OR56A3: variants seen among roughly 807,000 people sequenced by gnomAD.
OR56A3 encodes the protein olfactory receptor family 56 subfamily A member 3.
OR56A3 carries 23 observed loss-of-function variants against 17.5 expected under a neutral mutation model. That is an observed-to-expected ratio of 1.32 (90% CI 0.95 to 1.87). The LOEUF is 1.87. Among genes scored for constraint, OR56A3 ranks in the 40% most tolerant of loss-of-function variants. OR56A3 has a pLI of 0.00. For synonymous variants in OR56A3, 175 were observed against 150.6 expected (o/e 1.16, Z -1.19); for missense variants, 366 against 380.1 (o/e 0.96, Z 0.31).
At chr11:5,954,490 G>C (rs759157775), downstream of OR56A3, among the ~76,000 whole-genome samples, 23 of 152,118 alleles carry the variant, frequency 1.5e-4, no homozygotes, top group Middle Eastern at 3.2e-3. Context: ...TTCAAAGTCT[G>C]CAAGTTTGAA....
Position 5,947,384 on chromosome 11 carries a change from C to T in OR56A3, c.38C>T (p.Ala13Val). 2 of 1,612,802 alleles carry T rather than the reference C, an allele frequency of 1.2e-6. No individual in the cohort carries two copies. The highest frequency in any genetic ancestry group is 1.7e-6 in the Non-Finnish European group (2 of 1,179,096). ...THRNDTLSTEASDFLLNCFVR... is the reference protein window; with the variant it reads ...THRNDTLSTEVSDFLLNCFVR... The stretch of plus-strand genomic sequence containing the variant: ...CGAAATGACACCCTCTCCACTGAAG[C>T]TTCAGACTTCCTCTTGAATTGTTTT... The change falls in exon 3 of 3, where the codon GCT becomes GTT. Residue 13 changes from alanine (A) to valine (V), a missense_variant. Ala to Val is a moderately conservative substitution (Grantham distance 64, BLOSUM62 0). Transcript: ENST00000641160.
the OR56A3 span, among the ~76,000 whole-genome samples, chr11:5,972,801 G>A: frequency 1.3e-5 from 2 of 152,142 alleles, no homozygotes; most frequent in African/African-American, 4.8e-5. Context: ...GCTAATTTTT[G>A]TATTTTTAGT....
the OR56A3 span, chr11:5,986,347 G>A: frequency 1.6e-5 from 26 of 1,613,844 alleles, no homozygotes; most frequent in Non-Finnish European, 2.2e-5. Flanking sequence ...TTCACAATAG[G>A]CATGGCCTAT....
At chr11:5,968,435 G>A in the OR56A3 span, 3 of 1,592,804 alleles carry the variant, frequency 1.9e-6, no homozygotes, top group South Asian at 3.4e-5. Context: ...GGAAACTGGG[G>A]AAACAAATGA....
At chr11:5,975,255 G>A in the OR56A3 span, among the ~76,000 whole-genome samples, 8 of 152,276 alleles carry the variant, frequency 5.3e-5, no homozygotes, top group East Asian at 1.9e-4. Flanking sequence ...TGTGCACAAC[G>A]TGCAGGTTTG....
chr11:5,991,911 T>C, the OR56A3 span, among the ~76,000 whole-genome samples: 2 of 152,148 alleles, frequency 1.3e-5, no homozygotes, highest in African/African-American at 4.8e-5. Flanking sequence ...AGCCCCCAGA[T>C]TGGCTGGAAA....
chr11:5,975,440 G>C, the OR56A3 span, among the ~76,000 whole-genome samples: 2 of 142,822 alleles, frequency 1.4e-5, no homozygotes, highest in African/African-American at 5.3e-5. Flanking sequence ...TCCCACCTAT[G>C]AGTGAGAACA....
At chr11:6,021,875 C>T in the OR56A3 span, 5 of 152,132 alleles carry the variant, frequency 3.3e-5, no homozygotes, top group African/African-American at 1.2e-4. Context: ...AAAGCATTCT[C>T]GCATTACTAT....
chr11:5,996,580 G>A, the OR56A3 span, among the ~76,000 whole-genome samples: 1 of 151,666 alleles, frequency 6.6e-6, no homozygotes, highest in Non-Finnish European at 1.5e-5. Flanking sequence ...TCCAAATGTG[G>A]TAATAAGAGC....
Position 5,948,116 on chromosome 11 carries a change from C to A in OR56A3, c.770C>A (p.Thr257Asn), listed in dbSNP as rs1283945841. 1 of 1,614,240 alleles carries A rather than the reference C, an allele frequency of 6.2e-7. No homozygotes were observed. Among genetic ancestry groups the A allele is most frequent in the Non-Finnish European group, 8.5e-7 (1 of 1,180,048 alleles). Reference protein sequence around the residue: ...SHFMLILFFSTILLVFVLTHV... With the variant: ...SHFMLILFFSNILLVFVLTHV... ...TTCATGCTCATCCTCTTCTTCAGCACCATCCTTCTGGTTTTTGTCCTCACA... is the reference window on the plus strand; with the variant it reads ...TTCATGCTCATCCTCTTCTTCAGCAACATCCTTCTGGTTTTTGTCCTCACA... Residue 257 changes from threonine to asparagine, a missense_variant, in exon 3 of 3, where the codon ACC (threonine) becomes AAC (asparagine). By Grantham distance (65) the Thr-to-Asn change is moderately conservative (BLOSUM62 0). Transcript: ENST00000641160.
At chr11:5,976,271 G>A in the OR56A3 span, among the ~76,000 whole-genome samples, 3 of 151,950 alleles carry the variant, frequency 2.0e-5, no homozygotes, top group African/African-American at 7.3e-5. Context: ...TAAGGAAAGA[G>A]AAGGAATAGG....
chr11:6,002,620 G>A, the OR56A3 span: 42 of 1,613,930 alleles, frequency 2.6e-5, no homozygotes, highest in Admixed American at 3.8e-4. Context: ...GCCACATAAC[G>A]GTCATAGGCC....
chr11:6,011,204 T>A, the OR56A3 span, among the ~76,000 whole-genome samples: 27,859 of 122,050 alleles, frequency 0.23, 2,945 homozygotes, highest in African/African-American at 0.32. Flanking sequence ...GAGATTTATT[T>A]TATATATATA....
chr11:5,968,730 CA>C, the OR56A3 span, among the ~76,000 whole-genome samples: 2 of 151,718 alleles, frequency 1.3e-5, no homozygotes, highest in African/African-American at 2.4e-5. Flanking sequence ...ATAGACTAGA[CA>C]AAGGTTTAGA....
At chr11:6,019,664 A>G in the OR56A3 span, 1 of 152,030 alleles carries the variant, frequency 6.6e-6, no homozygotes, top group African/African-American at 2.4e-5. Flanking sequence ...GGAAAGACCC[A>G]CCCCCATAAT....
chr11:5,962,691 A>C, the OR56A3 span, among the ~76,000 whole-genome samples: 1 of 151,842 alleles, frequency 6.6e-6, no homozygotes, highest in East Asian at 1.9e-4. Flanking sequence ...GGCGCCTGCC[A>C]CCGCGCCCGG....
chr11:5,991,358 A>G, the OR56A3 span, among the ~76,000 whole-genome samples: 1 of 152,122 alleles, frequency 6.6e-6, no homozygotes, highest in African/African-American at 2.4e-5. Context: ...ATCATTTTCC[A>G]TCTATATTCT....
chr11:5,947,676 T>C lies in OR56A3; in HGVS notation c.330T>C (p.Cys110=). The C allele has an allele frequency of 6.2e-7, 1 of 1,614,240 alleles. No homozygotes were observed. The highest frequency in any genetic ancestry group is 8.5e-7 in the Non-Finnish European group (1 of 1,180,034). ...ACFLQMYIMN[C]FLAMESCTFM... is the part of the protein sequence containing the mutation. ...TCCTCCAGATGTACATCATGAATTGTTTCCTAGCCATGGAGTCTTGCACAT... is the reference window on the plus strand; with the variant it reads ...TCCTCCAGATGTACATCATGAATTGCTTCCTAGCCATGGAGTCTTGCACAT... Residue 110 remains cysteine (C), a synonymous_variant, in exon 3 of 3, where the codon TGT becomes TGC. Coordinates refer to ENST00000641160, the MANE Select transcript of OR56A3 (RefSeq NM_001003443.3).
At chr11:5,995,916 A>G in the OR56A3 span, among the ~76,000 whole-genome samples, 3 of 152,336 alleles carry the variant, frequency 2.0e-5, no homozygotes, top group African/African-American at 7.2e-5. Flanking sequence ...GACTCTGGTA[A>G]CCACCATTCT....
Sources: gnomAD v4.1 joint callset for allele counts (sites outside exome capture counted in the v4.1 genomes callset) on GRCh38, gnomAD v4.1.1 for gene constraint, MANE v1.5 for transcripts, NCBI Gene and HGNC (gene_info 2026-07-23, HGNC 2026-07-21) for gene names.